GSK3B: variants seen among roughly 807,000 people sequenced by gnomAD.
GSK3B encodes glycogen synthase kinase-3 beta.
In GSK3B, 15 loss-of-function variants were observed where a neutral mutation model predicts 56.4. That is an observed-to-expected ratio of 0.27 (90% CI 0.18 to 0.41). The LOEUF (loss-of-function observed/expected upper bound fraction) is 0.41. GSK3B is among the 10% of genes least tolerant of loss of function. The probability of loss-of-function intolerance (pLI) is 1.00; values close to 1 mark genes in which losing one functional copy is unlikely to be tolerated. For missense variants in GSK3B, 300 were observed against 513.4 expected, an observed-to-expected ratio of 0.58 and a Z score of 4.02; for synonymous variants, 181 against 188.9, an observed-to-expected ratio of 0.96 and a Z score of 0.34.
intron 3 of GSK3B, among the ~76,000 whole-genome samples, chr3:119,943,497 A>G (rs1489856627): frequency 2.0e-5 from 3 of 152,232 alleles, no homozygotes; most frequent in Admixed American, 2.0e-4. Flanking sequence ...TAAGATACAC[A>G]GAACTGAAGT....
intron 1 of GSK3B, chr3:120,029,840 C>T: frequency 1.8e-6 from 1 of 551,486 alleles, no homozygotes; most frequent in Non-Finnish European, 3.7e-6. Context: ...GGACTAATGG[C>T]CCCCAAAAAA....
rs1013995732 is a variant in GSK3B, at chr3:119,825,534, C to T, written c.*1254G>A. ...ATAACATATATACACACATTTATAT[C>T]ATCAGCTTTCCTATAAAGTCAGCAG... On this transcript the variant is annotated 3_prime_UTR_variant, in exon 11 of 11. Coordinates refer to ENST00000264235, the MANE Select transcript of GSK3B (RefSeq NM_001146156.2). The T allele has an allele frequency of 2.2e-5, 5 of 227,856 alleles. No individual in the cohort carries two copies. The highest frequency in any genetic ancestry group is 4.3e-5 in the Non-Finnish European group (5 of 114,948). 14.1% of individuals were successfully genotyped at this position (227,856 alleles called of 1,614,324 possible). A position where few individuals can be genotyped will look rare whatever the true frequency, so the allele number is the denominator to read the frequency against.
At chr3:119,900,066 T>C (rs2056610945) in intron 7 of GSK3B, among the ~76,000 whole-genome samples, 1 of 152,064 alleles carries the variant, frequency 6.6e-6, no homozygotes, top group South Asian at 2.1e-4. Flanking sequence ...TAATTAATGT[T>C]AAGAGAAAAC....
At chr3:119,990,203 G>GA (rs2057551518) in intron 2 of GSK3B, among the ~76,000 whole-genome samples, 1 of 151,902 alleles carries the variant, frequency 6.6e-6, no homozygotes, top group African/African-American at 2.4e-5. Flanking sequence ...CTAGCCCCGA[G>GA]ATAACACCCC....
At chr3:120,062,694 C>G (rs2058248061) in intron 1 of GSK3B, among the ~76,000 whole-genome samples, 1 of 152,162 alleles carries the variant, frequency 6.6e-6, no homozygotes, top group African/African-American at 2.4e-5. Context: ...GCTAGGGACC[C>G]AGTGATGAAC....
At chr3:119,923,107 A>G (rs1236105666) in intron 4 of GSK3B, among the ~76,000 whole-genome samples, 2 of 152,224 alleles carry the variant, frequency 1.3e-5, no homozygotes, top group African/African-American at 2.4e-5. Flanking sequence ...TACTGTGGCT[A>G]GCAGAAATAA....
At chr3:119,827,653 G>T (rs2055535843) in intron 10 of GSK3B, among the ~76,000 whole-genome samples, 1 of 143,830 alleles carries the variant, frequency 7.0e-6, no homozygotes, top group African/African-American at 2.6e-5. Context: ...AAAAGAAAAA[G>T]AATGAGATCC....
chr3:119,924,781 G>T (rs1177503227), intron 3 of GSK3B, among the ~76,000 whole-genome samples: 1 of 151,676 alleles, frequency 6.6e-6, no homozygotes, highest in Admixed American at 6.6e-5. Context: ...ACTTTTAATG[G>T]AACAGAGCTA....
intron 10 of GSK3B, among the ~76,000 whole-genome samples, chr3:119,842,564 T>A (rs181652085): frequency 2.6e-5 from 4 of 152,286 alleles, no homozygotes; most frequent in Admixed American, 2.0e-4. Flanking sequence ...GCTATAAACA[T>A]CTCATTTGAT....
In GSK3B at chr3:119,863,570, T is replaced by C. The variant is rs1169864210; in HGVS notation, c.945A>G (p.Ala315=). 6.2e-7 allele frequency: 1 copy of C among 1,613,358 alleles called. No homozygotes were observed. Among genetic ancestry groups the C allele is most frequent in the South Asian group, 1.1e-5 (1 of 91,052 alleles). ...TATACTCCAGCAGACGGCTACACAG[T>C]GCAATTGCCTCCGGTGGAGTTCGGG... ...FRPRTPPEAI[A]LCSRLLEYTP... Residue 315 remains alanine, a synonymous_variant, in exon 9 of 11, where the codon GCA becomes GCG. Coordinates refer to ENST00000264235, the MANE Select transcript of GSK3B (RefSeq NM_001146156.2).
At chr3:119,904,091 T>TA (rs964090028) in intron 7 of GSK3B, among the ~76,000 whole-genome samples, 5 of 151,736 alleles carry the variant, frequency 3.3e-5, no homozygotes, top group African/African-American at 1.2e-4. Flanking sequence ...AAAATAAAAA[T>TA]AAAAAAAAGA....
chr3:119,899,817 C>T (rs373003415), intron 7 of GSK3B, among the ~76,000 whole-genome samples: 1 of 151,968 alleles, frequency 6.6e-6, no homozygotes, highest in African/African-American at 2.4e-5. Context: ...TCTCCTTTTC[C>T]CCTTCCCTTA....
intron 1 of GSK3B, among the ~76,000 whole-genome samples, chr3:120,020,383 AGG>A: frequency 6.6e-6 from 1 of 152,134 alleles, no homozygotes; most frequent in South Asian, 2.1e-4. Flanking sequence ...TACAAATTGA[AGG>A]TTTATAGTAA....
At chr3:120,075,896 C>T (rs1028139827) in intron 1 of GSK3B, among the ~76,000 whole-genome samples, 1 of 152,168 alleles carries the variant, frequency 6.6e-6, no homozygotes, top group African/African-American at 2.4e-5. Context: ...TCACATGGAA[C>T]CACCAGACTC....
At chr3:120,011,904 G>A (rs1199178391) in intron 1 of GSK3B, among the ~76,000 whole-genome samples, 1 of 152,058 alleles carries the variant, frequency 6.6e-6, no homozygotes, top group African/African-American at 2.4e-5. Context: ...AGAACTCATC[G>A]CATGCCTCGT....
At chr3:119,983,168 C>A (rs1283665584) in intron 2 of GSK3B, among the ~76,000 whole-genome samples, 2 of 152,118 alleles carry the variant, frequency 1.3e-5, no homozygotes, top group Non-Finnish European at 2.9e-5. Flanking sequence ...GAGACTTTGT[C>A]ACCACCAGGC....
At position 120,093,663 on chromosome 3, in the gene GSK3B, T is replaced by C; in HGVS notation, c.-229A>G. 1 of 433,816 alleles carries C rather than the reference T, an allele frequency of 2.3e-6. No homozygotes were observed. The highest frequency in any genetic ancestry group is 4.2e-6 in the Non-Finnish European group (1 of 240,386). The allele number at this position is 433,816 out of a possible 1,614,324, so 26.9% of individuals were successfully genotyped here. On this transcript the variant is annotated 5_prime_UTR_variant, in exon 1 of 11. Transcript: ENST00000264235. Reference sequence around the variant, plus strand: ...TCGGCACGGATATTTAACATATAGATGATTTAGGACTTGGGAAAAAATACA... The same window carrying C: ...TCGGCACGGATATTTAACATATAGACGATTTAGGACTTGGGAAAAAATACA...
At chr3:119,900,174 T>C (rs1412128267) in intron 7 of GSK3B, among the ~76,000 whole-genome samples, 1 of 152,086 alleles carries the variant, frequency 6.6e-6, no homozygotes, top group Non-Finnish European at 1.5e-5. Flanking sequence ...TAAGTATCAA[T>C]ATATTTAATG....
At chr3:119,868,149 A>ACC (rs1195366303) in intron 8 of GSK3B, among the ~76,000 whole-genome samples, 5 of 152,140 alleles carry the variant, frequency 3.3e-5, no homozygotes, top group African/African-American at 1.2e-4. Context: ...AGGAAAAAAG[A>ACC]AAGAAAAGAG....
Sources: gnomAD v4.1 joint callset for allele counts (sites outside exome capture counted in the v4.1 genomes callset) on GRCh38, gnomAD v4.1.1 for gene constraint, MANE v1.5 for transcripts, NCBI Gene and HGNC (gene_info 2026-07-23, HGNC 2026-07-21) for gene names.